RBFOX1: variants seen among roughly 807,000 people sequenced by gnomAD.
RBFOX1 encodes the protein RNA binding fox-1 homolog 1, also known as RNA binding protein fox-1 homolog 1.
A neutral mutation model predicts 57.7 loss-of-function variants in RBFOX1; 8 were observed. The ratio of observed to expected loss-of-function variants is 0.14; its 90% confidence interval spans 0.08 to 0.25. The LOEUF (loss-of-function observed/expected upper bound fraction) is 0.25. Ranked by LOEUF, RBFOX1 falls within the 10% of genes least tolerant of loss-of-function variation. The pLI is 1.00. For missense variants in RBFOX1, 611 were observed against 548.5 expected, an observed-to-expected ratio of 1.11 and a Z score of -1.14; for synonymous variants, 326 against 222.4, an observed-to-expected ratio of 1.47 and a Z score of -4.15.
At chr16:6,753,598 C>G (rs920833104) in intron 3 of RBFOX1, among the ~76,000 whole-genome samples, 3 of 152,124 alleles carry the variant, frequency 2.0e-5, no homozygotes, top group African/African-American at 7.2e-5. Context: ...TCTTCATCAA[C>G]TCCTGTAAGT....
At chr16:6,885,875 C>T (rs1352003780) in intron 3 of RBFOX1, among the ~76,000 whole-genome samples, 5 of 152,084 alleles carry the variant, frequency 3.3e-5, no homozygotes, top group Non-Finnish European at 7.4e-5. Context: ...GAAATGGATA[C>T]TGTTTACTCA....
intron 5 of RBFOX1, among the ~76,000 whole-genome samples, chr16:7,543,679 G>C (rs1332530344): frequency 7.8e-5 from 1 of 12,818 alleles, no homozygotes; most frequent in South Asian, 2.9e-3. Context: ...GTGTGTGTGT[G>C]TGTGTGTGTG....
intron 1 of RBFOX1, among the ~76,000 whole-genome samples, chr16:6,027,802 T>C (rs1596488773): frequency 6.6e-6 from 1 of 152,180 alleles, no homozygotes; most frequent in Non-Finnish European, 1.5e-5. Context: ...CTCTTGACTG[T>C]AACTGAGGTG....
At chr16:6,982,948 C>T (rs968654469) in intron 3 of RBFOX1, among the ~76,000 whole-genome samples, 2 of 127,918 alleles carry the variant, frequency 1.6e-5, no homozygotes, top group South Asian at 2.6e-4. Flanking sequence ...GAGATAACAT[C>T]ATGCCATTGT....
chr16:6,584,083 G>A (rs1372931375), intron 2 of RBFOX1, among the ~76,000 whole-genome samples: 2 of 151,530 alleles, frequency 1.3e-5, no homozygotes, highest in East Asian at 1.9e-4. Flanking sequence ...TGCAAATACT[G>A]AAAGACCATT....
intron 1 of RBFOX1, among the ~76,000 whole-genome samples, chr16:6,198,014 G>A (rs998842783): frequency 2.6e-5 from 4 of 152,180 alleles, no homozygotes; most frequent in African/African-American, 9.7e-5. Flanking sequence ...GGACCAAAAG[G>A]TCTTTAATCT....
intron 3 of RBFOX1, among the ~76,000 whole-genome samples, chr16:5,703,929 C>G (rs2051144063): frequency 6.6e-6 from 1 of 152,174 alleles, no homozygotes; most frequent in Non-Finnish European, 1.5e-5. Flanking sequence ...TTACACTAAT[C>G]ATTATGTGAA....
At chr16:6,636,327 C>T (rs2098433363) in intron 2 of RBFOX1, among the ~76,000 whole-genome samples, 1 of 152,054 alleles carries the variant, frequency 6.6e-6, no homozygotes, top group Non-Finnish European at 1.5e-5. Flanking sequence ...CCTGCCACCA[C>T]ACACGGCTAA....
At chr16:5,479,482 G>T (rs554910933) in intron 2 of RBFOX1, among the ~76,000 whole-genome samples, 1 of 152,288 alleles carries the variant, frequency 6.6e-6, no homozygotes, top group South Asian at 2.1e-4. Flanking sequence ...TCCCCGGCCA[G>T]GCATGGTGGC....
chr16:6,303,777 C>A (rs912040502), intron 1 of RBFOX1, among the ~76,000 whole-genome samples: 5 of 145,670 alleles, frequency 3.4e-5, no homozygotes, highest in African/African-American at 5.0e-5. Flanking sequence ...AGTTTGAGAC[C>A]GGTCTGGCTA....
chr16:7,034,829 T>TTTTTTTTTTTTTTTTTTTTG (rs2043839200), intron 3 of RBFOX1, among the ~76,000 whole-genome samples: 1 of 47,976 alleles, frequency 2.1e-5, no homozygotes, highest in African/African-American at 6.3e-5. Flanking sequence ...TTGCATTACT[T>TTTTTTTTTTTTTTTTTTTTG]TTTTTTTTTT....
intron 1 of RBFOX1, among the ~76,000 whole-genome samples, chr16:6,230,025 C>G (rs995099327): frequency 6.6e-6 from 1 of 151,846 alleles, no homozygotes; most frequent in Non-Finnish European, 1.5e-5. Flanking sequence ...GACTATGGAT[C>G]TCCTTTTAAG....
intron 3 of RBFOX1, among the ~76,000 whole-genome samples, chr16:7,048,266 G>C (rs941289141): frequency 3.3e-5 from 5 of 151,334 alleles, no homozygotes; most frequent in African/African-American, 1.2e-4. Context: ...TGTTTTGTTT[G>C]TTTGTTTGTT....
intron 13 of RBFOX1, chr16:7,671,425 G>C (rs938875199): frequency 1.4e-5 from 11 of 799,962 alleles, no homozygotes; most frequent in East Asian, 2.7e-5. Context: ...TGGTGGGCCA[G>C]TCCCAAGGCT....
chr16:5,897,684 C>G (rs770146882), intron 4 of RBFOX1, among the ~76,000 whole-genome samples: 1 of 152,172 alleles, frequency 6.6e-6, no homozygotes, highest in Admixed American at 6.5e-5. Flanking sequence ...TTCATCCTGC[C>G]TGCAAGCTTC....
At chr16:5,468,069 G>T (rs1158701866) in intron 2 of RBFOX1, among the ~76,000 whole-genome samples, 1 of 152,164 alleles carries the variant, frequency 6.6e-6, no homozygotes, top group Non-Finnish European at 1.5e-5. Context: ...GGCATGCTCT[G>T]TGCCCTCTTG....
intron 5 of RBFOX1, among the ~76,000 whole-genome samples, chr16:7,569,482 A>G (rs1368865275): frequency 6.6e-6 from 1 of 152,062 alleles, no homozygotes; most frequent in African/African-American, 2.4e-5. Flanking sequence ...CTTCCATGCC[A>G]CTGGCCTCTG....
chr16:6,597,707 A>T (rs559518730), intron 2 of RBFOX1, among the ~76,000 whole-genome samples: 1 of 152,230 alleles, frequency 6.6e-6, no homozygotes, highest in African/African-American at 2.4e-5. Flanking sequence ...CAGGGACCCA[A>T]TTCTGGCTGC....
intron 1 of RBFOX1, among the ~76,000 whole-genome samples, chr16:5,378,084 A>G (rs142879150): frequency 6.6e-6 from 1 of 151,708 alleles, no homozygotes; most frequent in East Asian, 1.9e-4. Flanking sequence ...CTGCCTGCCA[A>G]TTTGAGGGAA....
Sources: gnomAD v4.1 joint callset for allele counts (sites outside exome capture counted in the v4.1 genomes callset) on GRCh38, gnomAD v4.1.1 for gene constraint, MANE v1.5 for transcripts, NCBI Gene and HGNC (gene_info 2026-07-23, HGNC 2026-07-21) for gene names.